The following SNAP91 variants were observed in gnomAD, a reference collection of about 807,000 sequenced individuals.
The protein encoded by SNAP91 is synaptosome associated protein 91.
A neutral mutation model predicts 100.3 loss-of-function variants in SNAP91; 27 were observed. That is an observed-to-expected ratio of 0.27 (90% CI 0.20 to 0.37). The LOEUF (loss-of-function observed/expected upper bound fraction) is 0.37. Among genes scored for constraint, SNAP91 ranks in the 10% least tolerant of loss-of-function variants. SNAP91 has a pLI of 1.00. For missense variants in SNAP91, 986 were observed against 1,123.7 expected (o/e 0.88, Z 1.75); for synonymous variants, 404 against 398.6 (o/e 1.01, Z -0.16).
chr6:83,689,410 C>A (rs1240005501), intron 2 of SNAP91, among the ~76,000 whole-genome samples: 1 of 152,010 alleles, frequency 6.6e-6, no homozygotes, highest in Non-Finnish European at 1.5e-5. Flanking sequence ...AAAACTAACA[C>A]CTAGGAGAAT....
rs766556710 is a variant in SNAP91, at chr6:83,593,627, G to A, written c.1547C>T (p.Pro516Leu). The A allele has an allele frequency of 1.2e-6, 2 of 1,611,266 alleles. No homozygotes were observed. The highest frequency in any genetic ancestry group is 1.7e-6 in the Non-Finnish European group (2 of 1,178,622). The change falls in exon 18 of 30, where the codon CCT (proline) becomes CTT (leucine). Residue 516 changes from proline to leucine, a missense_variant. Physicochemically the swap from Pro to Leu is moderately conservative, Grantham distance 98. Around this residue, in one of 4 missense-constraint regions of SNAP91, gnomAD observed 575 missense variants for 579.9 expected, o/e 0.99. Transcript: ENST00000369694. ...AGAAGGAGCAGTTGCGGGAACTGGAGGGGCTGTGCTAGCTGTAGGGGTAAC... is the reference window on the plus strand; with the variant it reads ...AGAAGGAGCAGTTGCGGGAACTGGAAGGGCTGTGCTAGCTGTAGGGGTAAC... ...PVVTPTASTA[P>L]PVPATAPSPA...
chr6:83,629,592 T>G (rs1228080444), intron 8 of SNAP91, among the ~76,000 whole-genome samples: 2 of 152,102 alleles, frequency 1.3e-5, no homozygotes, highest in African/African-American at 4.8e-5. Context: ...GGTATATTCC[T>G]AAGTATTTTA....
chr6:83,689,406 A>T (rs2099103463), intron 2 of SNAP91, among the ~76,000 whole-genome samples: 1 of 152,218 alleles, frequency 6.6e-6, no homozygotes, highest in South Asian at 2.1e-4. Flanking sequence ...CAAGAAAACT[A>T]ACACCTAGGA....
At chr6:83,598,271 A>G (rs2094729997) in intron 16 of SNAP91, among the ~76,000 whole-genome samples, 1 of 152,218 alleles carries the variant, frequency 6.6e-6, no homozygotes. Flanking sequence ...GCATGATCAT[A>G]AAAAGAAGAT....
rs575505443 is a variant in SNAP91 at position 83,593,002 on chromosome 6, G to A, written c.1790C>T (p.Pro597Leu). 6 of 1,582,924 alleles carry A rather than the reference G, an allele frequency of 3.8e-6. No individual in the cohort carries two copies. Among genetic ancestry groups the A allele is most frequent in the Non-Finnish European group, 5.2e-6 (6 of 1,164,064 alleles). ...DLFSTDAFSS[P>L]PQGASPVPES... ...AGGCACAGGAGAGGCCCCTTGTGGT[G>A]GAGAGGAGAAAGCATCTTCCAAAAG... The change falls in exon 20 of 30, where the codon CCA becomes CTA. Residue 597 changes from proline to leucine, a missense_variant. By Grantham distance (98) the Pro-to-Leu change is moderately conservative. This residue lies in a region of SNAP91 where 575 missense variants were observed against 579.9 expected (regional missense o/e 0.99). Coordinates refer to ENST00000369694, the MANE Select transcript of SNAP91 (RefSeq NM_001242792.2).
chr6:83,601,078 C>T (rs2095153624), intron 16 of SNAP91, among the ~76,000 whole-genome samples, 193 bp downstream of exon 16: 1 of 152,058 alleles, frequency 6.6e-6, no homozygotes. Context: ...GCAATCTCTG[C>T]TATAAAATTA....
intron 22 of SNAP91, among the ~76,000 whole-genome samples, chr6:83,583,655 A>G (rs1240667742): frequency 1.3e-5 from 2 of 152,224 alleles, no homozygotes; most frequent in Admixed American, 6.5e-5. Context: ...TCATTCCTAC[A>G]TAAAGTTTAA....
At position 83,630,432 on chromosome 6, in the gene SNAP91, C is replaced by A. The variant is rs2097159657; in HGVS notation, c.766-7090G>T. 2.0e-5 allele frequency among the ~76,000 whole-genome samples: 3 copies of A among 152,066 alleles called. No individual in the cohort carries two copies. The South Asian group carries it at 6.2e-4, about 31-fold the overall frequency. Reference sequence around the variant, plus strand: ...AGTGTCAATAGGATTGATACCAACTCTTCTTTCAATGTCTGGTAGAATTCT... The same window carrying A: ...AGTGTCAATAGGATTGATACCAACTATTCTTTCAATGTCTGGTAGAATTCT... On this transcript the variant is annotated intron_variant, in intron 8 of 29. Transcript: ENST00000369694.
chr6:83,588,171 C>T (rs960788720), intron 22 of SNAP91, among the ~76,000 whole-genome samples: 3 of 151,802 alleles, frequency 2.0e-5, no homozygotes, highest in Non-Finnish European at 4.4e-5. Flanking sequence ...TCACATTGTG[C>T]CAAATAAATC....
At chr6:83,667,970 T>A (rs907085091) in intron 2 of SNAP91, among the ~76,000 whole-genome samples, 7 of 151,892 alleles carry the variant, frequency 4.6e-5, no homozygotes, top group South Asian at 2.1e-4. Flanking sequence ...CAAAGAACTC[T>A]AACAAATTTA....
At chr6:83,586,011 A>G (rs1489397999) in intron 22 of SNAP91, among the ~76,000 whole-genome samples, 1 of 151,958 alleles carries the variant, frequency 6.6e-6, no homozygotes. Flanking sequence ...CACTACACCC[A>G]GCTAATTTTT....
At chr6:83,705,108 T>C (rs2099360726) in intron 2 of SNAP91, among the ~76,000 whole-genome samples, 2 of 152,236 alleles carry the variant, frequency 1.3e-5, no homozygotes, top group South Asian at 4.1e-4. Flanking sequence ...CTTAGAATAG[T>C]ACATATTAGT....
intron 4 of SNAP91, among the ~76,000 whole-genome samples, chr6:83,662,037 C>A (rs1221451295): frequency 6.6e-6 from 1 of 152,090 alleles, no homozygotes; most frequent in South Asian, 2.1e-4. Flanking sequence ...AGACTCGAAT[C>A]ACTTTTTTTA....
At chr6:83,708,105 G>T in intron 1 of SNAP91, 148 bp from the exon 2 acceptor site, 1 of 654,502 alleles carries the variant, frequency 1.5e-6, no homozygotes, top group South Asian at 2.4e-5. Flanking sequence ...AACGCGCCAA[G>T]CCCCGCTCCT....
chr6:83,678,120 T>C (rs1467381919), intron 2 of SNAP91, among the ~76,000 whole-genome samples: 2 of 152,186 alleles, frequency 1.3e-5, no homozygotes, highest in Non-Finnish European at 2.9e-5. Flanking sequence ...TTAACACATG[T>C]CCTATTTACA....
At chr6:83,680,959 C>T (rs2079422200) in intron 2 of SNAP91, among the ~76,000 whole-genome samples, 1 of 151,976 alleles carries the variant, frequency 6.6e-6, no homozygotes, top group Non-Finnish European at 1.5e-5. Flanking sequence ...TTGGTTGTGG[C>T]CAAATGACCA....
intron 7 of SNAP91, among the ~76,000 whole-genome samples, chr6:83,645,788 C>T (rs2097893428): frequency 6.6e-6 from 1 of 152,272 alleles, no homozygotes; most frequent in Middle Eastern, 3.4e-3. Context: ...GAGGTCAAGG[C>T]TGCAGTGAGC....
intron 22 of SNAP91, among the ~76,000 whole-genome samples, chr6:83,583,804 TCTA>T (rs1831890074): frequency 6.6e-6 from 1 of 152,210 alleles, no homozygotes; most frequent in Non-Finnish European, 1.5e-5. Context: ...ACTAAAATTA[TCTA>T]CTATTTTCTA....
In SNAP91 at chr6:83,706,095, T is replaced by C. The variant is rs2099377748; in HGVS notation, c.130+1703A>G. Among the ~76,000 whole-genome samples the C allele has an allele frequency of 2.0e-5, 3 of 152,244 alleles. 1 individual carries two copies. The South Asian group carries it at 6.2e-4, about 32-fold the overall frequency. ...CCACTAAAATACTAATGTGACTAAATATTTAGATCTGGAGAAGTCAGCCTT... is the reference window on the plus strand; with the variant it reads ...CCACTAAAATACTAATGTGACTAAACATTTAGATCTGGAGAAGTCAGCCTT... On this transcript the variant is annotated intron_variant, in intron 2 of 29. Transcript: ENST00000369694.
Sources: gnomAD v4.1 joint callset for allele counts (sites outside exome capture counted in the v4.1 genomes callset) on GRCh38, gnomAD v4.1.1 for gene constraint, gnomAD v4.1.1 regional missense constraint, MANE v1.5 for transcripts, NCBI Gene and HGNC (gene_info 2026-07-23, HGNC 2026-07-21) for gene names.